The following TBL1XR1 variants were observed in gnomAD, a reference collection of about 807,000 sequenced individuals.
TBL1XR1 encodes the protein TBL1X/Y related 1, also known as F-box-like/WD repeat-containing protein TBL1XR1.
TBL1XR1 carries 5 observed loss-of-function variants against 66.9 expected under a neutral mutation model. That is an observed-to-expected ratio of 0.07 (90% CI 0.04 to 0.16). TBL1XR1 has a LOEUF of 0.16. Among genes scored for constraint, TBL1XR1 ranks in the 10% least tolerant of loss-of-function variants. TBL1XR1 has a pLI of 1.00. For synonymous variants in TBL1XR1, 210 were observed against 206.0 expected, an observed-to-expected ratio of 1.02 and a Z score of -0.17; for missense variants, 238 against 623.2, an observed-to-expected ratio of 0.38 and a Z score of 6.58.
intron 1 of TBL1XR1, among the ~76,000 whole-genome samples, chr3:177,192,529 C>A (rs1736292502): frequency 6.6e-6 from 1 of 152,050 alleles, no homozygotes; most frequent in South Asian, 2.1e-4. Flanking sequence ...CGTACCTACA[C>A]CAATCATGTA....
intron 1 of TBL1XR1, among the ~76,000 whole-genome samples, chr3:177,102,341 C>T (rs1724327742): frequency 6.6e-6 from 1 of 152,176 alleles, no homozygotes. Context: ...ACCAACTGCA[C>T]CTGCAAATTA....
chr3:177,160,201 A>C lies in TBL1XR1; in HGVS notation c.-122+36920T>G, dbSNP rs141153484. On this transcript the variant is annotated intron_variant, in intron 1 of 15. Coordinates refer to ENST00000457928, the MANE Select transcript of TBL1XR1 (RefSeq NM_024665.7). ...TAAGTAGAAGTATCTGGTAGGGCGC[A>C]GTGGCTCAGTCCTGTAATCCCAGCA... Among the ~76,000 whole-genome samples the C allele has an allele frequency of 2.0e-3, 302 of 152,230 alleles. 2 individuals carry two copies. Among genetic ancestry groups the C allele is most frequent in the Middle Eastern group, 6.8e-3 (2 of 294 alleles).
chr3:177,051,656 A>T lies in TBL1XR1; in HGVS notation c.275T>A (p.Val92Glu). ...TCTATAAGCTTGTTGTCTTGTTTGT[A>T]CTACATCAGGCATTACGGCATCTAT... Reference protein sequence around the residue: ...SLIDAVMPDVVQTRQQAYRDK... With the variant: ...SLIDAVMPDVEQTRQQAYRDK... Residue 92 changes from valine to glutamate, a missense_variant, in exon 5 of 16, where the codon GTA (valine) becomes GAA (glutamate). This residue lies in a region of TBL1XR1 where 80 missense variants were observed against 100.5 expected (regional missense o/e 0.80). Transcript: ENST00000457928. The T allele has an allele frequency of 6.2e-7, 1 of 1,613,492 alleles. No homozygotes were observed.
At chr3:177,140,307 G>C (rs974268400) in intron 1 of TBL1XR1, among the ~76,000 whole-genome samples, 1 of 151,972 alleles carries the variant, frequency 6.6e-6, no homozygotes, top group African/African-American at 2.4e-5. Context: ...CTCAAAAAAA[G>C]AAAAAAGTAC....
At chr3:177,079,293 C>T (rs933975721) in intron 2 of TBL1XR1, among the ~76,000 whole-genome samples, 1 of 151,488 alleles carries the variant, frequency 6.6e-6, no homozygotes, top group Non-Finnish European at 1.5e-5. Context: ...ATTAGTTGGG[C>T]GTGGTGGCAG....
chr3:177,067,323 C>A (rs986853215), intron 2 of TBL1XR1, among the ~76,000 whole-genome samples: 2 of 152,198 alleles, frequency 1.3e-5, no homozygotes, highest in African/African-American at 4.8e-5. Flanking sequence ...TGGAATCCAA[C>A]TGAGACAGAC....
At chr3:177,144,081 A>C (rs1484653501) in intron 1 of TBL1XR1, among the ~76,000 whole-genome samples, 1 of 152,060 alleles carries the variant, frequency 6.6e-6, no homozygotes, top group East Asian at 1.9e-4. Context: ...CCCCGTCTCT[A>C]CTAAAAATAC....
intron 10 of TBL1XR1, among the ~76,000 whole-genome samples, chr3:177,039,829 AGTGTCC>A (rs972427995): frequency 6.6e-6 from 1 of 152,226 alleles, no homozygotes; most frequent in Non-Finnish European, 1.5e-5. Context: ...TTTAAAGTTC[AGTGTCC>A]ATAAATAAGA....
chr3:177,138,321 G>A (rs1199319546), intron 1 of TBL1XR1, among the ~76,000 whole-genome samples: 1 of 152,178 alleles, frequency 6.6e-6, no homozygotes, highest in Non-Finnish European at 1.5e-5. Context: ...TTCGCTGGGT[G>A]CAATGGCAAA....
At chr3:177,120,472 A>C (rs2108754447) in intron 1 of TBL1XR1, among the ~76,000 whole-genome samples, 1 of 152,262 alleles carries the variant, frequency 6.6e-6, no homozygotes, top group Non-Finnish European at 1.5e-5. Context: ...AATTCCCAAG[A>C]GTCTTCTAAC....
rs377292061 is a variant in TBL1XR1 at position 177,047,321 on chromosome 3, G to A, written c.843C>T (p.Ile281=). The change falls in exon 9 of 16, where the codon ATC becomes ATT. Residue 281 remains isoleucine (I), a synonymous_variant. Coordinates refer to ENST00000457928, the MANE Select transcript of TBL1XR1 (RefSeq NM_024665.7). ...ALKWNKKGNF[I]LSAGVDKTTI... ...TTACCTTGTCTACTCCAGCACTTAGGATGAAATTTCCTTTCTTATTCCATT... is the reference window on the plus strand; with the variant it reads ...TTACCTTGTCTACTCCAGCACTTAGAATGAAATTTCCTTTCTTATTCCATT... The A allele has an allele frequency of 8.3e-6, 13 of 1,563,238 alleles. No individual in the cohort carries two copies. The African/African-American group carries it at 1.6e-4, about 20-fold the overall frequency.
chr3:177,125,395 G>A (rs973611329), intron 1 of TBL1XR1, among the ~76,000 whole-genome samples: 2 of 152,158 alleles, frequency 1.3e-5, no homozygotes, highest in Admixed American at 1.3e-4. Context: ...GATAAGGGTT[G>A]ACAAGGATAT....
At chr3:177,131,312 A>T (rs533361060) in intron 1 of TBL1XR1, 2 of 984,176 alleles carry the variant, frequency 2.0e-6, no homozygotes, top group Non-Finnish European at 1.2e-6. Flanking sequence ...CTTAAGAGAG[A>T]GTCCAGGAAA....
intron 1 of TBL1XR1, among the ~76,000 whole-genome samples, chr3:177,181,197 A>C (rs1256317379): frequency 6.6e-6 from 1 of 152,106 alleles, no homozygotes; most frequent in Non-Finnish European, 1.5e-5. Flanking sequence ...ATTGTCATTA[A>C]ATGAAAATCT....
intron 2 of TBL1XR1, among the ~76,000 whole-genome samples, chr3:177,076,924 G>A (rs570956125): frequency 6.6e-6 from 1 of 152,322 alleles, no homozygotes; most frequent in Admixed American, 6.5e-5. Flanking sequence ...TCCAGATGAT[G>A]TGATACACAC....
Position 177,146,589 on chromosome 3 carries a change from C to CAAAAAAAAAAAAAAAAAAAAA in TBL1XR1, c.-121-48049_-121-48048insTTTTTTTTTTTTTTTTTTTTT, listed in dbSNP as rs78065426. On this transcript the variant is annotated intron_variant, in intron 1 of 15. Coordinates refer to ENST00000457928, the MANE Select transcript of TBL1XR1 (RefSeq NM_024665.7). ...TGGGCAGCTGAGCGAGACTCCATCT[C>CAAAAAAAAAAAAAAAAAAAAA]AAAAAAAAAAAAAAAAAAGTTGTAT... 4.3e-3 allele frequency among the ~76,000 whole-genome samples: 221 copies of CAAAAAAAAAAAAAAAAAAAAA among 51,916 alleles called. 46 individuals are homozygous for CAAAAAAAAAAAAAAAAAAAAA. Among genetic ancestry groups the CAAAAAAAAAAAAAAAAAAAAA allele is most frequent in the Middle Eastern group, 0.019 (1 of 52 alleles). 34.1% of individuals were successfully genotyped at this position (51,916 alleles called of 152,430 possible).
At chr3:177,176,584 A>G (rs112517901) in intron 1 of TBL1XR1, among the ~76,000 whole-genome samples, 75,179 of 150,216 alleles carry the variant, frequency 0.5, 19,618 homozygotes, top group Non-Finnish European at 0.57. Flanking sequence ...AGGCCAAGGC[A>G]GGTGAATCAC....
intron 2 of TBL1XR1, among the ~76,000 whole-genome samples, chr3:177,069,793 A>AAAGGAAGGGAAGGAAGGG (rs1693635433): frequency 2.2e-5 from 2 of 92,342 alleles, no homozygotes; most frequent in African/African-American, 9.1e-5. Context: ...AAAAGGAAGG[A>AAAGGAAGGGAAGGAAGGG]AAGGAAGGAA....
At chr3:177,075,436 G>A (rs185793795) in intron 2 of TBL1XR1, among the ~76,000 whole-genome samples, 51 of 152,328 alleles carry the variant, frequency 3.3e-4, no homozygotes, top group Non-Finnish European at 5.9e-4. Context: ...CACATTCACA[G>A]GTACTGGGAG....
Sources: gnomAD v4.1 joint callset for allele counts (sites outside exome capture counted in the v4.1 genomes callset) on GRCh38, gnomAD v4.1.1 for gene constraint, gnomAD v4.1.1 regional missense constraint, MANE v1.5 for transcripts, NCBI Gene and HGNC (gene_info 2026-07-23, HGNC 2026-07-21) for gene names.